ADAMTS2: variants seen among roughly 807,000 people sequenced by gnomAD.
ADAMTS2 encodes A disintegrin and metalloproteinase with thrombospondin motifs 2.
Under a neutral mutation model 123.0 loss-of-function variants are expected in ADAMTS2, and 50 were observed. The ratio of observed to expected loss-of-function variants is 0.41; its 90% CI spans 0.32 to 0.51. The LOEUF is 0.51. Among genes scored for constraint, ADAMTS2 ranks in the 20% least tolerant of loss-of-function variants. ADAMTS2 has a pLI of 0.35. For missense variants in ADAMTS2, 1,494 were observed against 1,705.2 expected (o/e 0.88, Z 2.18); for synonymous variants, 678 against 695.4 (o/e 0.98, Z 0.39).
chr5:179,327,640 C>T (rs1395355973), intron 2 of ADAMTS2, among the ~76,000 whole-genome samples: 1 of 152,138 alleles, frequency 6.6e-6, no homozygotes, highest in Admixed American at 6.5e-5. Flanking sequence ...AAAGGAAAGC[C>T]GTGCCACCGT....
intron 6 of ADAMTS2, among the ~76,000 whole-genome samples, chr5:179,156,965 T>TC (rs1404982291): frequency 6.9e-5 from 10 of 144,754 alleles, no homozygotes; most frequent in African/African-American, 1.0e-4. Context: ...TTTTTTCTTT[T>TC]TTTTTTTTTT....
chr5:179,224,655 G>A (rs192605480), intron 3 of ADAMTS2, among the ~76,000 whole-genome samples: 18 of 152,372 alleles, frequency 1.2e-4, no homozygotes, highest in Non-Finnish European at 1.9e-4. Context: ...CTAGGAGGGT[G>A]CAGGTCCATG....
chr5:179,220,531 C>A lies in ADAMTS2; in HGVS notation c.689-12816G>T, dbSNP rs1259412526. ...CGTGCACCTCCGGCTGCACTGCCAG[C>A]TGCATCGTCCACCTAGGGAGTGGGG... On this transcript the variant is annotated intron_variant, in intron 3 of 21. Coordinates refer to ENST00000251582, the MANE Select transcript of ADAMTS2 (RefSeq NM_014244.5). Among the ~76,000 whole-genome samples the A allele has an allele frequency of 2.0e-5, 3 of 152,182 alleles. No homozygotes were observed. In the East Asian group the frequency reaches 5.8e-4, roughly 29 times the overall value.
intron 2 of ADAMTS2, among the ~76,000 whole-genome samples, chr5:179,341,934 C>A (rs553277025): frequency 6.6e-6 from 1 of 152,150 alleles, no homozygotes; most frequent in Non-Finnish European, 1.5e-5. Flanking sequence ...TCCCTCTGCC[C>A]GGGTTGCCAA....
chr5:179,182,222 C>T (rs921102119), intron 4 of ADAMTS2, among the ~76,000 whole-genome samples: 5 of 152,210 alleles, frequency 3.3e-5, no homozygotes, highest in African/African-American at 1.2e-4. Flanking sequence ...TGCCCAGAGC[C>T]AGGCTAAGCA....
intron 4 of ADAMTS2, among the ~76,000 whole-genome samples, chr5:179,192,026 A>G (rs1009255366): frequency 2.0e-5 from 3 of 152,156 alleles, no homozygotes; most frequent in Admixed American, 1.3e-4. Flanking sequence ...TAAGTGGCCC[A>G]GGCGTCAGAC....
intron 3 of ADAMTS2, among the ~76,000 whole-genome samples, chr5:179,230,841 T>C (rs1248178516): frequency 6.6e-6 from 1 of 152,118 alleles, no homozygotes; most frequent in African/African-American, 2.4e-5. Flanking sequence ...TGAAACCCCA[T>C]TTCTACTAAA....
chr5:179,160,296 T>G (rs1485409725), intron 5 of ADAMTS2, among the ~76,000 whole-genome samples: 1 of 152,026 alleles, frequency 6.6e-6, no homozygotes, highest in Admixed American at 6.6e-5. Flanking sequence ...CTGTCTCTAC[T>G]AAAAATGCAA....
In ADAMTS2 at chr5:179,125,714, G is replaced by A. The variant is rs7718671; in HGVS notation, c.2750+284C>T. 0.49 allele frequency among the ~76,000 whole-genome samples: 75,174 copies of A among 152,162 alleles called. 22,347 individuals are homozygous for A. Among genetic ancestry groups the A allele is most frequent in the African/African-American group, 0.84 (34,996 of 41,542 alleles). ...CCACTGCTTAAGAAACATCTACCCC[G>A]TGGTACAGGGCCAGGAGGCGAGCCC... On this transcript the variant is annotated intron_variant, in intron 18 of 21. Transcript: ENST00000251582.
intron 15 of ADAMTS2, among the ~76,000 whole-genome samples, chr5:179,131,893 C>T (rs961920728): frequency 1.3e-5 from 2 of 152,158 alleles, no homozygotes; most frequent in African/African-American, 4.8e-5. Context: ...ACCCTGCCTG[C>T]CTTCCCGAGG....
rs1763796686 is a variant in ADAMTS2 at position 179,170,606 on chromosome 5, G to A, written c.975+10466C>T. 6.6e-6 allele frequency among the ~76,000 whole-genome samples: 1 copy of A among 152,012 alleles called. No individual in the cohort carries two copies. The highest frequency in any genetic ancestry group is 1.5e-5 in the Non-Finnish European group (1 of 68,006). ...GCTGTGCTTCTCTGTGAGCAAAAGG[G>A]GTCTGTTCCCTTGGACACAGGAGCT... On this transcript the variant is annotated intron_variant, in intron 5 of 21. Coordinates refer to ENST00000251582, the MANE Select transcript of ADAMTS2 (RefSeq NM_014244.5). The surrounding 1 kb of genome is among the most constrained non-coding windows in gnomAD (Gnocchi z 4.3).
At chr5:179,187,445 A>G (rs1312666201) in intron 4 of ADAMTS2, among the ~76,000 whole-genome samples, 3 of 152,246 alleles carry the variant, frequency 2.0e-5, no homozygotes, top group African/African-American at 7.2e-5. Context: ...AGCAGTGTCT[A>G]GCCCATAGTA....
intron 10 of ADAMTS2, among the ~76,000 whole-genome samples, chr5:179,149,292 T>C (rs906112006): frequency 1.3e-5 from 2 of 152,108 alleles, no homozygotes; most frequent in Non-Finnish European, 2.9e-5. Flanking sequence ...CACAGGAAGA[T>C]GGCAAGCCAG....
Position 179,197,088 on chromosome 5 carries a change from CA to C in ADAMTS2, c.891+10424del, listed in dbSNP as rs1764446469. Among the ~76,000 whole-genome samples, 1 of 152,218 alleles carries C rather than the reference CA, an allele frequency of 6.6e-6. No individual in the cohort carries two copies. The highest frequency in any genetic ancestry group is 1.5e-5 in the Non-Finnish European group (1 of 68,024). Reference sequence around the variant, plus strand: ...TTACCATCCAAAAAAGGGGCCACTTCAGGGGGAGATGCCTTACATCTGTCTG... The same window carrying C: ...TTACCATCCAAAAAAGGGGCCACTTCGGGGGAGATGCCTTACATCTGTCTG... On this transcript the variant is annotated intron_variant, in intron 4 of 21. Coordinates refer to ENST00000251582, the MANE Select transcript of ADAMTS2 (RefSeq NM_014244.5). This position sits in a 1 kb window ranked among gnomAD's most constrained non-coding sequence, Gnocchi z 4.2.
rs890902293 is a variant in ADAMTS2, at chr5:179,136,182, G to A, written c.1952-140C>T. On this transcript the variant is annotated intron_variant, in intron 12 of 21. Coordinates refer to ENST00000251582, the MANE Select transcript of ADAMTS2 (RefSeq NM_014244.5). Reference sequence around the variant, plus strand: ...CCAGGGCAGACAGAGAGGGAAAGGGGTGGGTGACAGCAGCCCCCTTCCTGT... The same window carrying A: ...CCAGGGCAGACAGAGAGGGAAAGGGATGGGTGACAGCAGCCCCCTTCCTGT... The A allele has an allele frequency of 4.9e-6, 6 of 1,218,018 alleles. No homozygotes were observed. The African/African-American group carries it at 7.4e-5, about 15-fold the overall frequency. The allele number at this position is 1,218,018 out of a possible 1,614,324, so 75.5% of individuals were successfully genotyped here.
At chr5:179,165,846 G>A (rs1402100300) in intron 5 of ADAMTS2, among the ~76,000 whole-genome samples, 3 of 152,216 alleles carry the variant, frequency 2.0e-5, no homozygotes, top group East Asian at 1.9e-4. Flanking sequence ...CAGTAGGGCT[G>A]TGGATGAAGT....
chr5:179,194,038 G>A (rs1236261660), intron 4 of ADAMTS2, among the ~76,000 whole-genome samples: 2 of 152,216 alleles, frequency 1.3e-5, no homozygotes, highest in Non-Finnish European at 2.9e-5. Flanking sequence ...GCTGTCATCC[G>A]GGTGTGTGGA....
At chr5:179,279,119 C>T (rs1436970268) in intron 2 of ADAMTS2, among the ~76,000 whole-genome samples, 1 of 151,962 alleles carries the variant, frequency 6.6e-6, no homozygotes, top group Non-Finnish European at 1.5e-5. Context: ...CATCAGCAGC[C>T]TCCCACCTGT....
chr5:179,208,377 G>A (rs756352881), intron 3 of ADAMTS2, among the ~76,000 whole-genome samples: 14 of 152,014 alleles, frequency 9.2e-5, no homozygotes, highest in South Asian at 6.3e-4. Context: ...GCCAGGTCCC[G>A]GGCCCCCTCC....
Sources: gnomAD v4.1 joint callset for allele counts (sites outside exome capture counted in the v4.1 genomes callset) on GRCh38, gnomAD v4.1.1 for gene constraint, Gnocchi (gnomAD v3.1) non-coding constraint, MANE v1.5 for transcripts, NCBI Gene and HGNC (gene_info 2026-07-23, HGNC 2026-07-21) for gene names.